DENND2B: variants seen among roughly 807,000 people sequenced by gnomAD.
The protein encoded by DENND2B is DENN domain-containing protein 2B.
Under a neutral mutation model 116.0 loss-of-function variants are expected in DENND2B, and 32 were observed. The ratio of observed to expected loss-of-function variants is 0.28; its 90% CI spans 0.21 to 0.37. DENND2B has a LOEUF of 0.37. Ranked by LOEUF, DENND2B falls within the 10% of genes least tolerant of loss-of-function variation. The pLI is 1.00. For synonymous variants in DENND2B, 588 were observed against 583.9 expected (o/e 1.01, Z -0.10); for missense variants, 1,276 against 1,477.7 (o/e 0.86, Z 2.24).
chr11:8,874,756 TA>T (rs11338609), upstream of DENND2B, among the ~76,000 whole-genome samples: 13,180 of 142,658 alleles, frequency 0.092, 610 homozygotes, highest in East Asian at 0.16. Flanking sequence ...CCCCAGTCTT[TA>T]AAAAAAAAAA....
rs952865889 is a variant in DENND2B, at chr11:8,718,548, T to C, written c.1478-656A>G. 4 of 1,425,236 alleles carry C rather than the reference T, an allele frequency of 2.8e-6. No individual in the cohort carries two copies. The Middle Eastern group carries it at 7.4e-4, about 262-fold the overall frequency. The allele number at this position is 1,425,236 out of a possible 1,614,324, so 88.3% of individuals were successfully genotyped here. A position where few individuals can be genotyped will look rare whatever the true frequency, so the allele number is the denominator to read the frequency against. On this transcript the variant is annotated intron_variant, in intron 4 of 19. Coordinates refer to ENST00000313726, the MANE Select transcript of DENND2B (RefSeq NM_213618.2). ...TCAGTAATGATCTGTTCGATGACTCTCCTACTGTAGTGTCTATTCCCTCTA... is the reference window on the plus strand; with the variant it reads ...TCAGTAATGATCTGTTCGATGACTCCCCTACTGTAGTGTCTATTCCCTCTA...
chr11:8,767,957 G>A (rs2134159830), intron 1 of DENND2B, among the ~76,000 whole-genome samples: 1 of 152,272 alleles, frequency 6.6e-6, no homozygotes, highest in East Asian at 1.9e-4. Flanking sequence ...GCCACTGGCA[G>A]CAAGGGTGTG....
chr11:8,830,430 A>G (rs2062159293), intron 4 of DENND2B, among the ~76,000 whole-genome samples: 1 of 152,226 alleles, frequency 6.6e-6, no homozygotes, highest in Non-Finnish European at 1.5e-5. Flanking sequence ...GATCTTGGAT[A>G]TTCTCTACTT....
In DENND2B at chr11:8,718,297, G is replaced by C. The variant is rs114491482; in HGVS notation, c.1478-405C>G. 1,768 of 1,404,566 alleles carry C rather than the reference G, an allele frequency of 1.3e-3. 16 individuals carry two copies. In the African/African-American group the frequency reaches 0.023, roughly 18 times the overall value. 87.0% of individuals were successfully genotyped at this position (1,404,566 alleles called of 1,614,324 possible). On this transcript the variant is annotated intron_variant, in intron 4 of 19. Transcript: ENST00000313726. ...AGATAACACAGTTCAAGGTAGGAAG[G>C]GTTTTCAGGTCACATGGCTGTCCCT...
At chr11:8,864,154 T>C (rs912048244) in intron 2 of DENND2B, among the ~76,000 whole-genome samples, 5 of 152,200 alleles carry the variant, frequency 3.3e-5, no homozygotes, top group Non-Finnish European at 7.3e-5. Context: ...ACAGAGGTCA[T>C]CTCAGCTTCC....
chr11:8,703,665 T>C (rs2042101621), intron 13 of DENND2B: 1 of 152,290 alleles, frequency 6.6e-6, no homozygotes, highest in Admixed American at 6.5e-5. Context: ...AAGGTAATGC[T>C]TTACAAGGAG....
upstream of DENND2B, among the ~76,000 whole-genome samples, chr11:8,875,865 G>C (rs148289369): frequency 1.3e-5 from 2 of 152,136 alleles, no homozygotes; most frequent in East Asian, 3.9e-4. Flanking sequence ...CTTTACCATG[G>C]TGCAAAACCA....
intron 4 of DENND2B, chr11:8,718,495 G>A (rs559646877): frequency 5.8e-5 from 85 of 1,467,898 alleles, no homozygotes; most frequent in South Asian, 4.8e-4. Context: ...ACCTCGGAAC[G>A]GAACAGTGAT....
intron 14 of DENND2B, among the ~76,000 whole-genome samples, chr11:8,700,825 TTTTA>T (rs1388016068): frequency 1.3e-5 from 2 of 151,976 alleles, no homozygotes; most frequent in Admixed American, 6.6e-5. Context: ...ATTTTTAAAT[TTTTA>T]TTTATTTATT....
intron 1 of DENND2B, among the ~76,000 whole-genome samples, chr11:8,884,512 T>C (rs146124837): frequency 1.3e-5 from 2 of 152,276 alleles, no homozygotes; most frequent in East Asian, 3.9e-4. Context: ...ATTCTTTATT[T>C]CCTCTAGTAT....
intron 11 of DENND2B, 32 bp downstream of exon 11, chr11:8,710,813 T>A: frequency 1.3e-6 from 2 of 1,592,404 alleles, no homozygotes; most frequent in Non-Finnish European, 1.7e-6. Flanking sequence ...ATCCCCTGCC[T>A]GCTGGCCTGA....
chr11:8,712,133 GAC>G lies in DENND2B; in HGVS notation c.2172+416_2172+417del, dbSNP rs2043853452. 1 of 388,470 alleles carries G rather than the reference GAC, an allele frequency of 2.6e-6. No individual in the cohort carries two copies. Among genetic ancestry groups the G allele is most frequent in the South Asian group, 1.8e-5 (1 of 54,398 alleles). The allele number at this position is 388,470 out of a possible 1,614,324, so 24.1% of individuals were successfully genotyped here. A position where few individuals can be genotyped will look rare whatever the true frequency, so the allele number is the denominator to read the frequency against. ...GACAAGCAGGGAAGGCGGAGTGAGAGACAGGCTGGTGGGAGAAGTGCGGAGTG... is the reference window on the plus strand; with the variant it reads ...GACAAGCAGGGAAGGCGGAGTGAGAGAGGCTGGTGGGAGAAGTGCGGAGTG... On this transcript the variant is annotated intron_variant, in intron 9 of 19. Transcript: ENST00000313726. This position sits in a 1 kb window ranked among gnomAD's most constrained non-coding sequence, Gnocchi z 4.4.
intron 14 of DENND2B, among the ~76,000 whole-genome samples, chr11:8,700,707 C>T (rs2041403964): frequency 6.6e-6 from 1 of 152,116 alleles, no homozygotes; most frequent in Non-Finnish European, 1.5e-5. Flanking sequence ...ATTCTTTGAC[C>T]AAAACAATAT....
At position 8,694,063 on chromosome 11, in the gene DENND2B, C is replaced by T. The variant is rs771677265; in HGVS notation, c.*33G>A. 6 of 1,613,512 alleles carry T rather than the reference C, an allele frequency of 3.7e-6. No individual in the cohort carries two copies. In the Admixed American group the frequency reaches 1.0e-4, roughly 27 times the overall value. ...CCTTCTCCCCAGGCTTCAGGCTCTG[C>T]AAGGCACTGGACTCTGCTACTGAGA... On this transcript the variant is annotated 3_prime_UTR_variant, in exon 20 of 20. Transcript: ENST00000313726.
intron 4 of DENND2B, among the ~76,000 whole-genome samples, chr11:8,822,992 T>C (rs1332612033): frequency 6.6e-6 from 1 of 152,190 alleles, no homozygotes; most frequent in Non-Finnish European, 1.5e-5. Context: ...AGAGACATCA[T>C]TACTTTTAGT....
At chr11:8,751,324 G>A (rs1018025457) in intron 1 of DENND2B, among the ~76,000 whole-genome samples, 2 of 152,106 alleles carry the variant, frequency 1.3e-5, no homozygotes, top group African/African-American at 4.8e-5. Context: ...CAGACCAATC[G>A]ACTCTCCGTA....
chr11:8,828,967 G>GGT (rs1216933281), intron 4 of DENND2B, among the ~76,000 whole-genome samples: 1 of 149,448 alleles, frequency 6.7e-6, no homozygotes, highest in Admixed American at 6.7e-5. Flanking sequence ...TGTGTGTGTG[G>GGT]GTGTGTGTGT....
At chr11:8,729,579 G>C (rs755132361) in intron 3 of DENND2B, among the ~76,000 whole-genome samples, 16 of 152,172 alleles carry the variant, frequency 1.1e-4, no homozygotes, top group Non-Finnish European at 1.9e-4. Flanking sequence ...TCAGGTGGTA[G>C]GGAGGCTAAG....
intron 1 of DENND2B, among the ~76,000 whole-genome samples, chr11:8,780,492 CAGAT>C (rs1331124265): frequency 1.3e-5 from 2 of 152,110 alleles, no homozygotes; most frequent in African/African-American, 4.8e-5. Context: ...TATTCCTACA[CAGAT>C]AGAACTACAT....
Sources: allele counts gnomAD v4.1 joint callset (sites outside exome capture counted in the v4.1 genomes callset), GRCh38; gene constraint gnomAD v4.1.1; non-coding constraint Gnocchi (gnomAD v3.1); transcripts MANE v1.5; gene names NCBI Gene and HGNC (gene_info 2026-07-23, HGNC 2026-07-21).